The following FNDC3B variants were observed in gnomAD, a reference collection of about 807,000 sequenced individuals.
FNDC3B encodes the protein fibronectin type III domain-containing protein 3B.
FNDC3B carries 12 observed loss-of-function variants against 151.5 expected under a neutral mutation model. The observed-to-expected ratio is 0.08, with a 90% CI of 0.05 to 0.13. The LOEUF is 0.13. Ranked by LOEUF, FNDC3B falls within the 10% of genes least tolerant of loss-of-function variation. The pLI is 1.00. For missense variants in FNDC3B, 1,214 were observed against 1,505.3 expected, an observed-to-expected ratio of 0.81 and a Z score of 3.20; for synonymous variants, 528 against 549.0, an observed-to-expected ratio of 0.96 and a Z score of 0.54.
chr3:172,352,917 G>A lies in FNDC3B; in HGVS notation c.2629G>A (p.Ala877Thr). 1 of 1,614,182 alleles carries A rather than the reference G, an allele frequency of 6.2e-7. No individual in the cohort carries two copies. The highest frequency in any genetic ancestry group is 2.2e-5 in the East Asian group (1 of 44,886). Residue 877 changes from alanine (A) to threonine (T), a missense_variant, in exon 22 of 26, where the codon GCC becomes ACC. Transcript: ENST00000415807. The surrounding 1 kb of genome is among the most constrained non-coding windows in gnomAD (Gnocchi z 4.2). ...TGTCCTGGAGGAGGAGCCCCTTGAT[G>A]CCTACCCTGATTCACCTTCTGCGTG... ...LCVLEEEPLD[A>T]YPDSPSACLV...
intron 2 of FNDC3B, among the ~76,000 whole-genome samples, chr3:172,125,225 G>T (rs1720754319): frequency 6.6e-6 from 1 of 152,210 alleles, no homozygotes; most frequent in Non-Finnish European, 1.5e-5. Flanking sequence ...TGGCTCCCCA[G>T]CTTCTGAAAA....
In FNDC3B at chr3:172,161,130, G is replaced by A. The variant is rs1300030563; in HGVS notation, c.187+27584G>A. On this transcript the variant is annotated intron_variant, in intron 3 of 25. Transcript: ENST00000415807. ...TCATTATTAACTGTTATATAGAACT[G>A]TCATTAGAAGCAGGATTGAACCCCA... 2.0e-5 allele frequency among the ~76,000 whole-genome samples: 3 copies of A among 152,178 alleles called. No homozygotes were observed. In the East Asian group the frequency reaches 5.8e-4, roughly 29 times the overall value.
intron 1 of FNDC3B, among the ~76,000 whole-genome samples, chr3:172,081,346 C>CTT (rs34033889): frequency 9.4e-4 from 143 of 151,786 alleles, no homozygotes; most frequent in Non-Finnish European, 1.8e-3. Flanking sequence ...TTTTTGTTCT[C>CTT]TTTTTTTTCT....
At chr3:172,351,286 G>A (rs1458642113) in intron 21 of FNDC3B, among the ~76,000 whole-genome samples, 1 of 152,176 alleles carries the variant, frequency 6.6e-6, no homozygotes, top group Non-Finnish European at 1.5e-5. Flanking sequence ...GTGATTGAGT[G>A]AGCTGTGCAG....
At chr3:172,245,772 A>C (rs1310453016) in intron 4 of FNDC3B, among the ~76,000 whole-genome samples, 1 of 152,230 alleles carries the variant, frequency 6.6e-6, no homozygotes, top group Non-Finnish European at 1.5e-5. Context: ...CAAGGCCCAG[A>C]AGAGATTATA....
chr3:172,103,281 A>G (rs1204348874), intron 1 of FNDC3B, among the ~76,000 whole-genome samples: 2 of 151,844 alleles, frequency 1.3e-5, no homozygotes, highest in African/African-American at 4.8e-5. Flanking sequence ...TAGTGATGTA[A>G]TTTTTTTCCA....
At chr3:172,205,464 T>G (rs771843481) in intron 3 of FNDC3B, among the ~76,000 whole-genome samples, 2 of 152,252 alleles carry the variant, frequency 1.3e-5, no homozygotes, top group African/African-American at 2.4e-5. Context: ...TACCATTGCT[T>G]TCTTCATTTT....
chr3:172,348,607 T>G (rs1394237249), intron 21 of FNDC3B, among the ~76,000 whole-genome samples: 8 of 152,172 alleles, frequency 5.3e-5, no homozygotes, highest in African/African-American at 1.7e-4. Flanking sequence ...TCCATTATGG[T>G]TTTTGAGTTT....
chr3:172,322,445 C>T (rs76809910), intron 11 of FNDC3B, among the ~76,000 whole-genome samples: 2,116 of 152,276 alleles, frequency 0.014, 64 homozygotes, highest in African/African-American at 0.048. Flanking sequence ...CACAAGACCA[C>T]CCGCATTCAA....
At position 172,251,423 on chromosome 3, in the gene FNDC3B, C is replaced by T. The variant is rs369080006; in HGVS notation, c.672C>T (p.Gly224=). The change falls in exon 6 of 26, where the codon GGC becomes GGT. Residue 224 remains glycine (G), a synonymous_variant. Coordinates refer to ENST00000415807, the MANE Select transcript of FNDC3B (RefSeq NM_022763.4). The part of the protein sequence containing the change: ...YKSSCTTVYN[G]YGKGHSGGSG... ...GCAGCTGCACAACAGTATACAATGG[C>T]TATGGGAAGGGCCATAGTGGTGGAA... 36 of 1,613,932 alleles carry T rather than the reference C, an allele frequency of 2.2e-5. No individual in the cohort carries two copies. The African/African-American group carries it at 4.4e-4, about 20-fold the overall frequency.
At chr3:172,358,454 A>T (rs1244748516) in intron 22 of FNDC3B, among the ~76,000 whole-genome samples, 1 of 152,148 alleles carries the variant, frequency 6.6e-6, no homozygotes, top group African/African-American at 2.4e-5. Flanking sequence ...TCTTTGTCTC[A>T]CTCTCACCTT....
intron 3 of FNDC3B, among the ~76,000 whole-genome samples, chr3:172,193,450 T>C (rs1724665666): frequency 6.7e-6 from 1 of 149,896 alleles, no homozygotes; most frequent in Non-Finnish European, 1.5e-5. Flanking sequence ...AGATGGATCA[T>C]ATTACTCAAT....
At chr3:172,293,410 C>G (rs996852972) in intron 7 of FNDC3B, among the ~76,000 whole-genome samples, 1 of 152,164 alleles carries the variant, frequency 6.6e-6, no homozygotes, top group African/African-American at 2.4e-5. Flanking sequence ...TAATGCAAGC[C>G]TACCATCTTC....
chr3:172,257,569 TACACACACACACACACACACACACAC>T (rs10582558), intron 6 of FNDC3B, among the ~76,000 whole-genome samples: 1 of 143,764 alleles, frequency 7.0e-6, no homozygotes, highest in African/African-American at 2.5e-5. Context: ...CACGCATTCA[TACACACACACACACACACACACACAC>T]ACACACACAC....
rs777654052 is a variant in FNDC3B at position 172,251,351 on chromosome 3, C to T, written c.600C>T (p.Ile200=). The T allele has an allele frequency of 2.7e-5, 43 of 1,614,068 alleles. No individual in the cohort carries two copies. The East Asian group carries it at 7.8e-4, about 29-fold the overall frequency. Residue 200 remains isoleucine (I), a synonymous_variant, in exon 6 of 26, where the codon ATC becomes ATT. Coordinates refer to ENST00000415807, the MANE Select transcript of FNDC3B (RefSeq NM_022763.4). The stretch of plus-strand genomic sequence containing the variant: ...ACAAAAAACTGAAAGACCGCCAGAT[C>T]GATCGCCAGAACCGCCTCAACAGCC... The part of the protein sequence containing the change: ...PPHKKLKDRQ[I]DRQNRLNSPP...
intron 3 of FNDC3B, among the ~76,000 whole-genome samples, chr3:172,209,128 TG>T (rs1725589606): frequency 1.3e-5 from 1 of 79,952 alleles, no homozygotes; most frequent in Non-Finnish European, 2.5e-5. Context: ...TGAGCGGGGG[TG>T]GGGGTGGGGG....
At position 172,223,719 on chromosome 3, in the gene FNDC3B, A is replaced by G. The variant is rs370569945; in HGVS notation, c.188-3152A>G. On this transcript the variant is annotated intron_variant, in intron 3 of 25. Transcript: ENST00000415807. ...CCTAAGTCAATGTTGTACCAAGTGTATACTTGTTGATTTTATGTTGCATGG... is the reference window on the plus strand; with the variant it reads ...CCTAAGTCAATGTTGTACCAAGTGTGTACTTGTTGATTTTATGTTGCATGG... Among the ~76,000 whole-genome samples, 27 of 152,358 alleles carry G rather than the reference A, an allele frequency of 1.8e-4. 1 individual carries two copies. The highest frequency in any genetic ancestry group is 6.5e-4 in the African/African-American group (27 of 41,598).
intron 23 of FNDC3B, among the ~76,000 whole-genome samples, chr3:172,374,049 G>T (rs1342529497): frequency 6.6e-5 from 10 of 152,220 alleles, no homozygotes; most frequent in African/African-American, 2.2e-4. Context: ...GGGCTTTTAT[G>T]TGAGCCGTCA....
intron 1 of FNDC3B, among the ~76,000 whole-genome samples, chr3:172,061,233 C>CTTT (rs376260481): frequency 4.3e-5 from 6 of 139,276 alleles, no homozygotes; most frequent in African/African-American, 1.0e-4. Context: ...CTGCACATTA[C>CTTT]TTTTTTTTTT....
Sources: allele counts gnomAD v4.1 joint callset (sites outside exome capture counted in the v4.1 genomes callset), GRCh38; gene constraint gnomAD v4.1.1; non-coding constraint Gnocchi (gnomAD v3.1); transcripts MANE v1.5; gene names NCBI Gene and HGNC (gene_info 2026-07-23, HGNC 2026-07-21).